Variants in DOCK2 observed in about 807,000 individuals in gnomAD.
DOCK2 encodes the protein dedicator of cytokinesis protein 2.
In DOCK2, 87 loss-of-function variants were observed where a neutral mutation model predicts 248.9. That is an observed-to-expected ratio of 0.35 (90% CI 0.29 to 0.42). The LOEUF (loss-of-function observed/expected upper bound fraction) is 0.42, where lower values mean the gene tolerates loss of function less well. Among genes scored for constraint, DOCK2 ranks in the 10% least tolerant of loss-of-function variants. The pLI is 1.00. For synonymous variants in DOCK2, 805 were observed against 821.6 expected, an observed-to-expected ratio of 0.98 and a Z score of 0.35; for missense variants, 1,747 against 2,300.2, an observed-to-expected ratio of 0.76 and a Z score of 4.92.
chr5:170,029,692 C>A (rs774097354), intron 34 of DOCK2, among the ~76,000 whole-genome samples: 2 of 152,250 alleles, frequency 1.3e-5, no homozygotes, highest in Non-Finnish European at 2.9e-5. Context: ...ATGACCCAGA[C>A]ATCCCCACTT....
At chr5:169,912,142 GA>G (rs1279076848) in intron 27 of DOCK2, among the ~76,000 whole-genome samples, 1 of 152,194 alleles carries the variant, frequency 6.6e-6, no homozygotes, top group Non-Finnish European at 1.5e-5. Flanking sequence ...ATAAAAAAAG[GA>G]AAGCGACTAT....
intron 27 of DOCK2, among the ~76,000 whole-genome samples, chr5:169,966,948 A>G (rs1330959891): frequency 1.3e-5 from 2 of 152,218 alleles, no homozygotes; most frequent in Non-Finnish European, 2.9e-5. Flanking sequence ...AACACATGCT[A>G]TGTAGATAGC....
At chr5:169,958,539 A>G (rs115207098) in intron 27 of DOCK2, among the ~76,000 whole-genome samples, 2 of 152,178 alleles carry the variant, frequency 1.3e-5, no homozygotes, top group South Asian at 4.2e-4. Flanking sequence ...TTTCCGTCTT[A>G]CTATTAAAAT....
At chr5:169,983,847 A>T (rs192493636) in intron 28 of DOCK2, among the ~76,000 whole-genome samples, 4 of 152,332 alleles carry the variant, frequency 2.6e-5, no homozygotes, top group Admixed American at 2.6e-4. Context: ...AGAGTGGCCC[A>T]TAAAAAAAGG....
intron 27 of DOCK2, chr5:169,864,394 G>A (rs1238017916): frequency 1.9e-6 from 3 of 1,551,414 alleles, no homozygotes; most frequent in Non-Finnish European, 2.6e-6. Context: ...AACTGGCTCT[G>A]CTTCCTCCAG....
rs187540457 is a variant in DOCK2, at chr5:169,736,480, G to A, written c.2268-10916G>A. Reference sequence around the variant, plus strand: ...ATGTGACCTCTCCTAAACCCTAGAAGTCCACACAGGGTGTGTTAAATGCCC... The same window carrying A: ...ATGTGACCTCTCCTAAACCCTAGAAATCCACACAGGGTGTGTTAAATGCCC... On this transcript the variant is annotated intron_variant, in intron 22 of 51. Coordinates refer to ENST00000520908, the MANE Select transcript of DOCK2 (RefSeq NM_004946.3). Among the ~76,000 whole-genome samples the A allele has an allele frequency of 2.8e-4, 42 of 152,286 alleles. 1 individual carries two copies. In the East Asian group the frequency reaches 7.5e-3, roughly 27 times the overall value.
At chr5:169,824,906 AG>A (rs1199750281) in intron 26 of DOCK2, among the ~76,000 whole-genome samples, 1 of 152,192 alleles carries the variant, frequency 6.6e-6, no homozygotes, top group Admixed American at 6.5e-5. Context: ...GAATCTACAA[AG>A]AACTCAAACA....
intron 27 of DOCK2, among the ~76,000 whole-genome samples, chr5:169,967,982 A>C (rs559873105): frequency 4.6e-5 from 7 of 152,180 alleles, no homozygotes; most frequent in Non-Finnish European, 8.8e-5. Context: ...GAAAGGTCTG[A>C]GAGGGGAAGG....
chr5:169,697,183 T>C (rs1029152459), intron 10 of DOCK2, among the ~76,000 whole-genome samples: 6 of 152,178 alleles, frequency 3.9e-5, no homozygotes, highest in African/African-American at 1.4e-4. Flanking sequence ...TATGAATAGA[T>C]CGCTTCAGGC....
chr5:169,751,083 G>T (rs1763871834), intron 23 of DOCK2, among the ~76,000 whole-genome samples: 1 of 152,192 alleles, frequency 6.6e-6, no homozygotes, highest in South Asian at 2.1e-4. Context: ...GTGAAATAAA[G>T]TAATATATGT....
At chr5:170,006,780 A>G (rs966166039) in intron 30 of DOCK2, among the ~76,000 whole-genome samples, 4 of 152,232 alleles carry the variant, frequency 2.6e-5, no homozygotes, top group Non-Finnish European at 2.9e-5. Flanking sequence ...CAGGGCACCT[A>G]GCAGATGTTC....
At chr5:169,950,167 G>A (rs749578364) in intron 27 of DOCK2, among the ~76,000 whole-genome samples, 12 of 152,150 alleles carry the variant, frequency 7.9e-5, no homozygotes, top group Middle Eastern at 3.4e-3. Flanking sequence ...AGGAGCCATC[G>A]TGGAAGGTGG....
intron 35 of DOCK2, among the ~76,000 whole-genome samples, chr5:170,036,162 G>C (rs965434842): frequency 2.6e-5 from 4 of 151,978 alleles, no homozygotes; most frequent in Non-Finnish European, 5.9e-5. Flanking sequence ...ACATCAAGCT[G>C]GGCTGCCTTT....
chr5:169,810,983 T>TCACACACA (rs781388716), intron 26 of DOCK2, among the ~76,000 whole-genome samples: 23 of 84,966 alleles, frequency 2.7e-4, no homozygotes, highest in South Asian at 3.7e-4. Context: ...TCTCTCTCTC[T>TCACACACA]CTCTCTCACA....
At chr5:169,895,605 A>C (rs1581375546) in intron 27 of DOCK2, among the ~76,000 whole-genome samples, 1 of 152,068 alleles carries the variant, frequency 6.6e-6, no homozygotes, top group East Asian at 1.9e-4. Flanking sequence ...GACTCCAGCC[A>C]CTGGGGGTTC....
At chr5:169,896,276 T>C (rs1386207218) in intron 27 of DOCK2, among the ~76,000 whole-genome samples, 1 of 152,162 alleles carries the variant, frequency 6.6e-6, no homozygotes, top group Non-Finnish European at 1.5e-5. Flanking sequence ...GTTCAGAGTT[T>C]ATCTGAAGTA....
chr5:169,978,175 A>G lies in DOCK2; in HGVS notation c.2800-4893A>G, dbSNP rs370642459. On this transcript the variant is annotated intron_variant, in intron 27 of 51. Coordinates refer to ENST00000520908, the MANE Select transcript of DOCK2 (RefSeq NM_004946.3). ...GTATCACATAGTAATGTTGGCATTT[A>G]GGTAGCAAGCTTCCGAAGTTGGCTG... is the stretch of plus-strand genomic sequence containing the variant. Among the ~76,000 whole-genome samples the G allele has an allele frequency of 1.4e-4, 22 of 152,240 alleles. No homozygotes were observed. In the South Asian group the frequency reaches 4.4e-3, roughly 30 times the overall value.
At chr5:170,060,760 G>T (rs1169652093) in intron 44 of DOCK2, among the ~76,000 whole-genome samples, 2 of 152,048 alleles carry the variant, frequency 1.3e-5, no homozygotes, top group African/African-American at 4.8e-5. Flanking sequence ...GGGTGGGCGT[G>T]GTGGCTCATG....
At chr5:169,761,423 C>A in intron 24 of DOCK2, 96 bp from the exon 25 acceptor site, 1 of 998,044 alleles carries the variant, frequency 1.0e-6, no homozygotes, top group Non-Finnish European at 1.5e-6. Flanking sequence ...TTGGGGGTTT[C>A]CCAGAGCTAG....
Sources: gnomAD v4.1 joint callset for allele counts (sites outside exome capture counted in the v4.1 genomes callset) on GRCh38, gnomAD v4.1.1 for gene constraint, MANE v1.5 for transcripts, NCBI Gene and HGNC (gene_info 2026-07-23, HGNC 2026-07-21) for gene names.